The following ATAD5 variants were observed in gnomAD, a reference collection of about 807,000 sequenced individuals.
The protein encoded by ATAD5 is ATPase family AAA domain-containing protein 5.
ATAD5 carries 58 observed loss-of-function variants against 176.9 expected under a neutral mutation model. That is an observed-to-expected ratio of 0.33 (90% CI 0.27 to 0.41). The LOEUF is 0.41. Ranked by LOEUF, ATAD5 falls within the 10% of genes least tolerant of loss-of-function variation. The pLI is 1.00. For missense variants in ATAD5, 1,789 were observed against 2,094.1 expected, an observed-to-expected ratio of 0.85 and a Z score of 2.84; for synonymous variants, 640 against 712.6, an observed-to-expected ratio of 0.90 and a Z score of 1.62.
chr17:30,853,666 AC>A (rs1388793040), intron 6 of ATAD5, among the ~76,000 whole-genome samples: 1 of 152,178 alleles, frequency 6.6e-6, no homozygotes, highest in African/African-American at 2.4e-5. Flanking sequence ...TGTTCTTTCT[AC>A]AGGCAGGCTA....
At position 30,857,979 on chromosome 17, in the gene ATAD5, T is replaced by A. The variant is rs568176277; in HGVS notation, c.2794-182T>A. ...CTGGTCTCAAACTCCTAACTTCAGA[T>A]GATCCACCTGTCTCTTGGCCTCCCA... is the stretch of plus-strand genomic sequence containing the variant. On this transcript the variant is annotated intron_variant, in intron 8 of 22. Transcript: ENST00000321990. Among the ~76,000 whole-genome samples the A allele has an allele frequency of 2.6e-5, 4 of 152,268 alleles. No homozygotes were observed. The East Asian group carries it at 7.7e-4, about 29-fold the overall frequency.
chr17:30,869,117 C>T (rs1369835914), intron 12 of ATAD5, 131 bp from the exon 13 acceptor site: 7 of 1,072,098 alleles, frequency 6.5e-6, no homozygotes, highest in Admixed American at 2.7e-5. Flanking sequence ...TGTGCCACTG[C>T]GTCCGGCCTG....
Position 30,893,698 on chromosome 17 carries a change from C to T in ATAD5, c.4845C>T (p.Asp1615=). The change falls in exon 21 of 23, where the codon GAC becomes GAT. Residue 1615 remains aspartate (D), a synonymous_variant. Transcript: ENST00000321990. Reference sequence around the variant, plus strand: ...GAGACGAAGAAAGCAAAGCCAGAGACAAAGGAAACAATCCAGAGACAAAGA... The same window carrying T: ...GAGACGAAGAAAGCAAAGCCAGAGATAAAGGAAACAATCCAGAGACAAAGA... ...KTGDEESKAR[D]KGNNPETKKS... is the part of the protein sequence containing the mutation. 6.2e-7 allele frequency: 1 copy of T among 1,613,364 alleles called. No homozygotes were observed. Among genetic ancestry groups the T allele is most frequent in the Non-Finnish European group, 8.5e-7 (1 of 1,179,746 alleles).
At chr17:30,887,119 T>A (rs1240440818) in intron 18 of ATAD5, 73 bp from the exon 19 acceptor site, 2 of 1,309,716 alleles carry the variant, frequency 1.5e-6, no homozygotes, top group Non-Finnish European at 2.1e-6. Context: ...CACTTTTAGA[T>A]ACTATTTGTA....
intron 6 of ATAD5, among the ~76,000 whole-genome samples, chr17:30,852,456 A>G (rs1907028397): frequency 6.6e-6 from 1 of 152,092 alleles, no homozygotes; most frequent in South Asian, 2.1e-4. Context: ...CATTAAATTC[A>G]TTGCTCCTGA....
Position 30,894,641 on chromosome 17 carries a change from C to T in ATAD5, c.5375C>T (p.Ala1792Val). The T allele has an allele frequency of 6.2e-7, 1 of 1,613,224 alleles. No individual in the cohort carries two copies. The highest frequency in any genetic ancestry group is 8.5e-7 in the Non-Finnish European group (1 of 1,179,518). Residue 1792 changes from alanine to valine, a missense_variant, in exon 22 of 23, where the codon GCT becomes GTT. Around this residue, in one of 6 missense-constraint regions of ATAD5, gnomAD observed 403 missense variants for 495.1 expected, o/e 0.81. Transcript: ENST00000321990. ...RSLLYVGNRQ[A>V]SIIEYLPTLR... is the part of the protein sequence containing the mutation. ...CTTCTCTATGTGGGTAATAGACAAGCTAGTATAATTGAATACCTGCCAACC... is the reference window on the plus strand; with the variant it reads ...CTTCTCTATGTGGGTAATAGACAAGTTAGTATAATTGAATACCTGCCAACC...
chr17:30,884,424 C>CTTTTTTTTTTTTTT (rs61664127), intron 18 of ATAD5, among the ~76,000 whole-genome samples: 3 of 80,980 alleles, frequency 3.7e-5, no homozygotes, highest in Non-Finnish European at 4.4e-5. Context: ...CTTTTCTTTT[C>CTTTTTTTTTTTTTT]TTTTTTTTTT....
At chr17:30,883,747 C>T (rs1157400394) in intron 18 of ATAD5, among the ~76,000 whole-genome samples, 2 of 152,132 alleles carry the variant, frequency 1.3e-5, no homozygotes, top group African/African-American at 4.8e-5. Flanking sequence ...GATGGGGTTT[C>T]ACCATGTTAG....
chr17:30,845,863 A>T (rs901008507), intron 6 of ATAD5, among the ~76,000 whole-genome samples: 8 of 152,140 alleles, frequency 5.3e-5, no homozygotes, highest in African/African-American at 1.7e-4. Flanking sequence ...CTCGATGATT[A>T]ATGAGATTTG....
intron 3 of ATAD5, among the ~76,000 whole-genome samples, chr17:30,838,499 C>T (rs978503673): frequency 2.6e-5 from 4 of 152,164 alleles, no homozygotes; most frequent in Admixed American, 6.5e-5. Flanking sequence ...GGTGAGGAAA[C>T]GTGTTTTTAT....
At position 30,832,316 on chromosome 17, in the gene ATAD5, C is replaced by A. The variant is rs751548471; in HGVS notation, c.-32C>A. The A allele has an allele frequency of 6.5e-7, 1 of 1,530,032 alleles. No individual in the cohort carries two copies. 94.8% of individuals were successfully genotyped at this position (1,530,032 alleles called of 1,614,324 possible). A position where few individuals can be genotyped will look rare whatever the true frequency, so the allele number is the denominator to read the frequency against. On this transcript the variant is annotated 5_prime_UTR_variant, in exon 1 of 23. Coordinates refer to ENST00000321990, the MANE Select transcript of ATAD5 (RefSeq NM_024857.5). The stretch of plus-strand genomic sequence containing the variant: ...CAGGCCGGGCTGGACCGCGTGAGGT[C>A]CTAGGAGACGGGATTCCGGGAAGCG...
In ATAD5 at chr17:30,835,738, T is replaced by C. The variant is rs777307382; in HGVS notation, c.1657T>C (p.Ser553Pro). Reference protein sequence around the residue: ...DIANDDLLKVSSLCNNNKLSR... With the variant: ...DIANDDLLKVPSLCNNNKLSR... Reference sequence around the variant, plus strand: ...AGCAAATGATGACCTTCTAAAGGTTTCCTCTCTGTGTAACAATAATAAATT... The same window carrying C: ...AGCAAATGATGACCTTCTAAAGGTTCCCTCTCTGTGTAACAATAATAAATT... The change falls in exon 2 of 23, where the codon TCC becomes CCC. Residue 553 changes from serine (S) to proline (P), a missense_variant. Around this residue, in one of 6 missense-constraint regions of ATAD5, gnomAD observed 696 missense variants for 712.5 expected, o/e 0.98. Coordinates refer to ENST00000321990, the MANE Select transcript of ATAD5 (RefSeq NM_024857.5). 1.9e-6 allele frequency: 3 copies of C among 1,613,114 alleles called. No homozygotes were observed. Among genetic ancestry groups the C allele is most frequent in the Non-Finnish European group, 2.5e-6 (3 of 1,179,742 alleles).
At chr17:30,878,716 G>GTTT (rs1567696442) in intron 17 of ATAD5, among the ~76,000 whole-genome samples, 1 of 82,658 alleles carries the variant, frequency 1.2e-5, no homozygotes, top group African/African-American at 5.0e-5. Context: ...AAGTTAGGTG[G>GTTT]TGTTTTTTTT....
chr17:30,839,727 G>A lies in ATAD5; in HGVS notation c.2077-890G>A, dbSNP rs894274770. ...GCCCCAAGTCGTTGGGATTACAGAC[G>A]CCCGCCACCAAGCCCAGCTAATTTT... On this transcript the variant is annotated intron_variant, in intron 3 of 22. Transcript: ENST00000321990. Among the ~76,000 whole-genome samples the A allele has an allele frequency of 5.6e-4, 85 of 150,626 alleles. 1 individual carries two copies. Among genetic ancestry groups the A allele is most frequent in the Non-Finnish European group, 9.5e-4 (64 of 67,720 alleles).
intron 6 of ATAD5, among the ~76,000 whole-genome samples, chr17:30,847,337 G>C (rs554748702): frequency 6.6e-6 from 1 of 151,534 alleles, no homozygotes; most frequent in South Asian, 2.1e-4. Context: ...TAGAGAGAGA[G>C]AGAGAGAGAG....
At chr17:30,850,445 C>T (rs1009280597) in intron 6 of ATAD5, among the ~76,000 whole-genome samples, 3 of 151,334 alleles carry the variant, frequency 2.0e-5, no homozygotes, top group Non-Finnish European at 4.4e-5. Flanking sequence ...ACTGCAGCCT[C>T]AACCTCCTGG....
intron 16 of ATAD5, 107 bp downstream of exon 16, chr17:30,877,656 G>A: frequency 1.7e-6 from 2 of 1,151,758 alleles, no homozygotes; most frequent in South Asian, 1.4e-5. Flanking sequence ...AGGAGGTCAG[G>A]AATACGTGTA....
intron 18 of ATAD5, among the ~76,000 whole-genome samples, chr17:30,884,306 C>T (rs1425082535): frequency 3.9e-5 from 6 of 151,972 alleles, no homozygotes; most frequent in African/African-American, 1.4e-4. Context: ...CAGGCATGAG[C>T]CATCGCGCCA....
chr17:30,846,109 G>A (rs1433603259), intron 6 of ATAD5, among the ~76,000 whole-genome samples: 1 of 152,056 alleles, frequency 6.6e-6, no homozygotes, highest in East Asian at 1.9e-4. Flanking sequence ...AGCTCAGAAA[G>A]GTTTTGTGTG....
Sources: allele counts gnomAD v4.1 joint callset (sites outside exome capture counted in the v4.1 genomes callset), GRCh38; gene constraint gnomAD v4.1.1; regional missense constraint gnomAD v4.1.1; transcripts MANE v1.5; gene names NCBI Gene and HGNC (gene_info 2026-07-23, HGNC 2026-07-21).